Variants in GRK1 observed in about 807,000 individuals in gnomAD.
GRK1 encodes the protein G protein-coupled receptor kinase 1.
In GRK1, 28 loss-of-function variants were observed where a neutral mutation model predicts 41.7. That is an observed-to-expected ratio of 0.67 (90% CI 0.50 to 0.92). The LOEUF (loss-of-function observed/expected upper bound fraction) is 0.92, where lower values mean the gene tolerates loss of function less well. Among genes scored for constraint, GRK1 ranks in the 40% least tolerant of loss-of-function variants. The probability of loss-of-function intolerance (pLI) is 0.00; values close to 1 mark genes in which losing one functional copy is unlikely to be tolerated. For missense variants in GRK1, 703 were observed against 671.2 expected (o/e 1.05, Z -0.52); for synonymous variants, 327 against 286.7 (o/e 1.14, Z -1.42).
chr13:113,669,330 G>T (rs77705566), intron 1 of GRK1, among the ~76,000 whole-genome samples: 3 of 152,206 alleles, frequency 2.0e-5, no homozygotes, highest in Non-Finnish European at 2.9e-5. Context: ...CCCAGCCCAC[G>T]GGGGCCTGGA....
chr13:113,727,162 G>A (rs2049894396), intron 4 of GRK1, among the ~76,000 whole-genome samples: 1 of 152,258 alleles, frequency 6.6e-6, no homozygotes, highest in African/African-American at 2.4e-5. Flanking sequence ...CTGGCTCGGG[G>A]GCCAGGCAGG....
At chr13:113,656,385 T>G in the GRK1 span, among the ~76,000 whole-genome samples, 1 of 152,188 alleles carries the variant, frequency 6.6e-6, no homozygotes. Flanking sequence ...CCCCAGTGGC[T>G]GCTGACCCAC....
At chr13:113,653,474 TCAC>T in the GRK1 span, 8 of 1,564,782 alleles carry the variant, frequency 5.1e-6, no homozygotes, top group African/African-American at 2.7e-5. Context: ...CTCCAAATGC[TCAC>T]CACATTTAAG....
Position 113,667,894 on chromosome 13 carries a change from T to C in GRK1, c.508T>C (p.Tyr170His). 1.2e-6 allele frequency: 2 copies of C among 1,601,464 alleles called. No individual in the cohort carries two copies. The highest frequency in any genetic ancestry group is 1.7e-6 in the Non-Finnish European group (2 of 1,173,162). ...CTTCCAGGAGTACCTGGGCAGCCTG[T>C]ACTTCCTGAGGTTCCTGCAGTGGAA... The part of the protein sequence containing the change: ...APFQEYLGSL[Y>H]FLRFLQWKWL... Residue 170 changes from tyrosine (Y) to histidine (H), a missense_variant, in exon 1 of 7, where the codon TAC (tyrosine) becomes CAC (histidine). Coordinates refer to ENST00000335678, the MANE Select transcript of GRK1 (RefSeq NM_002929.3). This position sits in a 1 kb window ranked among gnomAD's most constrained non-coding sequence, Gnocchi z 7.5.
At chr13:113,727,660 C>T (rs2049898704) in intron 4 of GRK1, among the ~76,000 whole-genome samples, 1 of 112,078 alleles carries the variant, frequency 8.9e-6, no homozygotes, top group South Asian at 3.1e-4. Context: ...GCGATGAGGA[C>T]CCATGGCGAT....
chr13:113,655,964 A>G, the GRK1 span, among the ~76,000 whole-genome samples: 1 of 152,262 alleles, frequency 6.6e-6, no homozygotes, highest in Non-Finnish European at 1.5e-5. Context: ...TCTCTGAGCC[A>G]GGTCCCTTCA....
chr13:113,655,582 G>A, the GRK1 span, among the ~76,000 whole-genome samples: 10 of 152,324 alleles, frequency 6.6e-5, no homozygotes, highest in South Asian at 2.1e-4. Flanking sequence ...CACCGTCCCC[G>A]TGGCCATGGG....
chr13:113,651,597 C>G, the GRK1 span: 1 of 1,451,896 alleles, frequency 6.9e-7, no homozygotes, highest in African/African-American at 1.4e-5. Flanking sequence ...GTGGGCCGTG[C>G]CCAGCATGAA....
At chr13:113,650,623 CTT>C in the GRK1 span, 14 of 680,142 alleles carry the variant, frequency 2.1e-5, no homozygotes, top group Non-Finnish European at 3.2e-5. The surrounding 1 kb of genome is among the most constrained non-coding windows in gnomAD (Gnocchi z 5.0). Flanking sequence ...TGCATAAACA[CTT>C]TATTGCATAC....
chr13:113,728,630 G>T (rs925907106), intron 4 of GRK1, among the ~76,000 whole-genome samples: 1 of 152,104 alleles, frequency 6.6e-6, no homozygotes, highest in Admixed American at 6.5e-5. Context: ...AGGGTCTGTG[G>T]CCATCACTCA....
At chr13:113,653,619 C>G in the GRK1 span, among the ~76,000 whole-genome samples, 1 of 152,200 alleles carries the variant, frequency 6.6e-6, no homozygotes, top group East Asian at 1.9e-4. Flanking sequence ...AGCCTGGGTC[C>G]CTGCTGGGAG....
At chr13:113,656,753 C>T in the GRK1 span, among the ~76,000 whole-genome samples, 7 of 152,282 alleles carry the variant, frequency 4.6e-5, no homozygotes, top group South Asian at 1.5e-3. Context: ...CAAACGGAGG[C>T]CATGTCTACC....
upstream of GRK1, chr13:113,667,120 C>CT: frequency 4.7e-6 from 2 of 423,190 alleles, no homozygotes; most frequent in Non-Finnish European, 8.4e-6. The surrounding 1 kb of genome is among the most constrained non-coding windows in gnomAD (Gnocchi z 7.5). Context: ...AGGGGATTGT[C>CT]TTTTTCTAGC....
intron 3 of GRK1, among the ~76,000 whole-genome samples, chr13:113,672,801 C>T (rs2049865633): frequency 1.3e-5 from 1 of 74,100 alleles, no homozygotes; most frequent in Non-Finnish European, 2.4e-5. Context: ...TTCCCTCTCT[C>T]TTAACTCTGT....
intron 4 of GRK1, among the ~76,000 whole-genome samples, chr13:113,727,300 C>T (rs969698132): frequency 3.9e-5 from 6 of 152,342 alleles, no homozygotes; most frequent in South Asian, 2.1e-4. Context: ...GACAAGAGGG[C>T]GGAGCACTCA....
intron 5 of GRK1, 146 bp from the exon 6 acceptor site, chr13:113,732,738 G>C: frequency 2.7e-6 from 2 of 748,596 alleles, no homozygotes; most frequent in Middle Eastern, 3.3e-4. Context: ...AGCCTCAAAC[G>C]CTGCTGTGCT....
intron 1 of GRK1, 46 bp downstream of exon 1, chr13:113,668,131 G>A (rs770368646): frequency 6.4e-7 from 1 of 1,552,192 alleles, no homozygotes; most frequent in Non-Finnish European, 8.7e-7. Context: ...GCAGGGTGCA[G>A]GGATGGGGCG....
At chr13:113,666,133 C>T (rs569829416), upstream of GRK1, among the ~76,000 whole-genome samples, 1 of 146,422 alleles carries the variant, frequency 6.8e-6, no homozygotes, top group Admixed American at 6.7e-5. Context: ...CAGATGTGCC[C>T]CCGGTGTGTC....
At chr13:113,661,923 A>G in the GRK1 span, among the ~76,000 whole-genome samples, 1 of 152,234 alleles carries the variant, frequency 6.6e-6, no homozygotes, top group Non-Finnish European at 1.5e-5. Flanking sequence ...CCAATTCTTC[A>G]CCATCTTTTG....
Sources: allele counts gnomAD v4.1 joint callset (sites outside exome capture counted in the v4.1 genomes callset), GRCh38; gene constraint gnomAD v4.1.1; non-coding constraint Gnocchi (gnomAD v3.1); transcripts MANE v1.5; gene names NCBI Gene and HGNC (gene_info 2026-07-23, HGNC 2026-07-21).